TGFB3: variants seen among roughly 807,000 people sequenced by gnomAD.
TGFB3 encodes transforming growth factor beta-3 proprotein.
TGFB3 carries 5 observed loss-of-function variants against 40.1 expected under a neutral mutation model. That is an observed-to-expected ratio of 0.12 (90% CI 0.07 to 0.26). The LOEUF (loss-of-function observed/expected upper bound fraction) is 0.26. Ranked by LOEUF, TGFB3 falls within the 10% of genes least tolerant of loss-of-function variation. The pLI is 1.00. For missense variants in TGFB3, 373 were observed against 530.1 expected (o/e 0.70, Z 2.91); for synonymous variants, 184 against 205.6 (o/e 0.89, Z 0.90).
In TGFB3 at chr14:75,971,072, G is replaced by A. The variant is rs1271902066; in HGVS notation, c.646+54C>T. 2 of 1,609,306 alleles carry A rather than the reference G, an allele frequency of 1.2e-6. No individual in the cohort carries two copies. The highest frequency in any genetic ancestry group is 1.7e-5 in the Admixed American group (1 of 59,982). Reference sequence around the variant, plus strand: ...TGTCCTCTTCCCTCCATTTCATGGAGGACTAAGGGACCTGAGGTTCATTCT... The same window carrying A: ...TGTCCTCTTCCCTCCATTTCATGGAAGACTAAGGGACCTGAGGTTCATTCT... On this transcript the variant is annotated intron_variant, in intron 3 of 6. Transcript: ENST00000238682. This position sits in a 1 kb window ranked among gnomAD's most constrained non-coding sequence, Gnocchi z 4.5.
At position 75,971,369 on chromosome 14, in the gene TGFB3, C is replaced by T; in HGVS notation, c.517-114G>A. On this transcript the variant is annotated intron_variant, in intron 2 of 6. Coordinates refer to ENST00000238682, the MANE Select transcript of TGFB3 (RefSeq NM_003239.5). The surrounding 1 kb of genome is among the most constrained non-coding windows in gnomAD (Gnocchi z 4.5). ...TAGGAAACCAGTGGTTCCTGAATGC[C>T]ATGGCCCTCGAGCACCTTAGCTAAC... 6.4e-7 allele frequency: 1 copy of T among 1,562,784 alleles called. No homozygotes were observed. The highest frequency in any genetic ancestry group is 1.1e-5 in the South Asian group (1 of 87,732).
intron 1 of TGFB3, among the ~76,000 whole-genome samples, chr14:75,976,339 A>T (rs188129427): frequency 2.2e-4 from 34 of 152,320 alleles, no homozygotes; most frequent in African/African-American, 8.2e-4. Flanking sequence ...CAAGATCTCC[A>T]GATGATTCTA....
rs564013964 is a variant in TGFB3, at chr14:75,980,812, T to G, written c.82A>C (p.Thr28Pro). The change falls in exon 1 of 7, where the codon ACC becomes CCC. Residue 28 changes from threonine (T) to proline (P), a missense_variant. Thr to Pro is a conservative substitution (Grantham distance 38). Coordinates refer to ENST00000238682, the MANE Select transcript of TGFB3 (RefSeq NM_003239.5). The surrounding 1 kb of genome is among the most constrained non-coding windows in gnomAD (Gnocchi z 4.3). ...ATVSLSLSTC[T>P]TLDFGHIKKK... ...TTGATGTGGCCGAAGTCCAAGGTGG[T>G]GCAAGTGGACAGAGAGAGGCTGACC... is the stretch of plus-strand genomic sequence containing the variant. 67 of 1,613,956 alleles carry G rather than the reference T, an allele frequency of 4.2e-5. No homozygotes were observed. In the Middle Eastern group the frequency reaches 1.3e-3, roughly 32 times the overall value.
intron 5 of TGFB3, among the ~76,000 whole-genome samples, chr14:75,962,747 T>C (rs1161429401): frequency 6.6e-6 from 1 of 152,228 alleles, no homozygotes; most frequent in African/African-American, 2.4e-5. Context: ...CCTCCCTTTA[T>C]AAATGAGCAG....
rs1195058523 is a variant in TGFB3 at position 75,978,490 on chromosome 14, G to A, written c.352+2052C>T. 6.6e-6 allele frequency among the ~76,000 whole-genome samples: 1 copy of A among 152,244 alleles called. No homozygotes were observed. The highest frequency in any genetic ancestry group is 1.9e-4 in the East Asian group (1 of 5,202). ...CCAAGTCACCTCCAACAGCTGCAGA[G>A]TCTGCCTGCTTCCGGTTTGTACCTG... On this transcript the variant is annotated intron_variant, in intron 1 of 6. Coordinates refer to ENST00000238682, the MANE Select transcript of TGFB3 (RefSeq NM_003239.5). The surrounding 1 kb of genome is among the most constrained non-coding windows in gnomAD (Gnocchi z 5.0).
intron 1 of TGFB3, among the ~76,000 whole-genome samples, chr14:75,975,996 G>A (rs1407267770): frequency 2.0e-5 from 3 of 152,222 alleles, no homozygotes; most frequent in African/African-American, 7.2e-5. Flanking sequence ...ATTGGTGAAT[G>A]CCATTTTCTC....
At chr14:75,977,133 A>C (rs1419932150) in intron 1 of TGFB3, among the ~76,000 whole-genome samples, 1 of 152,244 alleles carries the variant, frequency 6.6e-6, no homozygotes, top group Non-Finnish European at 1.5e-5. Flanking sequence ...TACACTTAGC[A>C]GCTAGAGAAC....
At chr14:75,965,349 T>G (rs1219527144) in intron 4 of TGFB3, among the ~76,000 whole-genome samples, 1 of 152,236 alleles carries the variant, frequency 6.6e-6, no homozygotes, top group Non-Finnish European at 1.5e-5. Flanking sequence ...CTACACAGTT[T>G]CACCACTTAC....
rs542603955 is a variant in TGFB3, at chr14:75,981,293, C to T, written c.-400G>A. The T allele has an allele frequency of 1.7e-5, 4 of 241,452 alleles. No homozygotes were observed. Among genetic ancestry groups the T allele is most frequent in the Admixed American group, 5.0e-5 (1 of 19,818 alleles). The allele number at this position is 241,452 out of a possible 1,614,324, so 15.0% of individuals were successfully genotyped here. A position where few individuals can be genotyped will look rare whatever the true frequency, so the allele number is the denominator to read the frequency against. ...GTGGATATCTGATATTGCCAAACGC[C>T]GCTTGGCGATGGGGAGAAAGTGGGT... On this transcript the variant is annotated 5_prime_UTR_variant, in exon 1 of 7. Coordinates refer to ENST00000238682, the MANE Select transcript of TGFB3 (RefSeq NM_003239.5). The surrounding 1 kb of genome is among the most constrained non-coding windows in gnomAD (Gnocchi z 4.7).
chr14:75,965,138 A>G (rs1287796040), intron 4 of TGFB3, among the ~76,000 whole-genome samples: 1 of 152,220 alleles, frequency 6.6e-6, no homozygotes, highest in African/African-American at 2.4e-5. Flanking sequence ...GGCCCTGCAC[A>G]TCTGGAAAGC....
rs2035398317 is a variant in TGFB3 at position 75,979,691 on chromosome 14, A to T, written c.352+851T>A. ...GCCTCCTGGGACGGCAGGCTCCCAG[A>T]CATATCCCCCCCCCCCACCATGCAC... On this transcript the variant is annotated intron_variant, in intron 1 of 6. Coordinates refer to ENST00000238682, the MANE Select transcript of TGFB3 (RefSeq NM_003239.5). This position sits in a 1 kb window ranked among gnomAD's most constrained non-coding sequence, Gnocchi z 4.8. 6.7e-6 allele frequency among the ~76,000 whole-genome samples: 1 copy of T among 149,640 alleles called. No homozygotes were observed. The highest frequency in any genetic ancestry group is 6.7e-5 in the Admixed American group (1 of 15,006).
upstream of TGFB3, chr14:75,982,805 G>C (rs528746855): frequency 2.6e-4 from 40 of 152,574 alleles, no homozygotes; most frequent in African/African-American, 9.6e-4. The surrounding 1 kb of genome is among the most constrained non-coding windows in gnomAD (Gnocchi z 4.0). Flanking sequence ...CTCCCTCCCC[G>C]ACCGCCGCTC....
chr14:75,982,090 T>C (rs550572092), upstream of TGFB3, among the ~76,000 whole-genome samples: 11 of 152,174 alleles, frequency 7.2e-5, no homozygotes, highest in Non-Finnish European at 1.3e-4. This position sits in a 1 kb window ranked among gnomAD's most constrained non-coding sequence, Gnocchi z 4.0. Flanking sequence ...GCAGCCTCTT[T>C]TGCTGCACGA....
rs199646113 is a variant in TGFB3 at position 75,958,704 on chromosome 14, T to TA, written c.*482dup. The TA allele has an allele frequency of 0.018, 3,050 of 174,170 alleles. 16 individuals are homozygous for TA. Among genetic ancestry groups the TA allele is most frequent in the South Asian group, 0.046 (367 of 7,900 alleles). 10.8% of individuals were successfully genotyped at this position (174,170 alleles called of 1,614,324 possible). A position where few individuals can be genotyped will look rare whatever the true frequency, so the allele number is the denominator to read the frequency against. On this transcript the variant is annotated 3_prime_UTR_variant, in exon 7 of 7. Coordinates refer to ENST00000238682, the MANE Select transcript of TGFB3 (RefSeq NM_003239.5). Reference sequence around the variant, plus strand: ...GGACTTTGTCTTCGTAACCTGTCTTTAAAAAAAAAAAAAAAATGCTTGCCT... The same window carrying TA: ...GGACTTTGTCTTCGTAACCTGTCTTTAAAAAAAAAAAAAAAAATGCTTGCCT...
intron 3 of TGFB3, 47 bp from the exon 4 acceptor site, chr14:75,965,742 G>A: frequency 6.6e-7 from 1 of 1,509,046 alleles, no homozygotes; most frequent in Non-Finnish European, 9.2e-7. Context: ...CTGTGTGATG[G>A]GGAAGTGTGC....
chr14:75,980,491 C>T lies in TGFB3; in HGVS notation c.352+51G>A. On this transcript the variant is annotated intron_variant, in intron 1 of 6. Coordinates refer to ENST00000238682, the MANE Select transcript of TGFB3 (RefSeq NM_003239.5). The surrounding 1 kb of genome is among the most constrained non-coding windows in gnomAD (Gnocchi z 4.3). ...AGGCCCCCCTCTGCAGAGCTCCCAGCTCCAGTTCAGACCCTCCAGAGCAGA... is the reference window on the plus strand; with the variant it reads ...AGGCCCCCCTCTGCAGAGCTCCCAGTTCCAGTTCAGACCCTCCAGAGCAGA... 1 of 1,589,324 alleles carries T rather than the reference C, an allele frequency of 6.3e-7. No individual in the cohort carries two copies. The highest frequency in any genetic ancestry group is 8.6e-7 in the Non-Finnish European group (1 of 1,157,610).
chr14:75,976,202 C>G (rs2035351824), intron 1 of TGFB3, among the ~76,000 whole-genome samples: 2 of 152,174 alleles, frequency 1.3e-5, no homozygotes, highest in East Asian at 3.8e-4. Flanking sequence ...ATCAGTGTGG[C>G]TGTACTTCTC....
chr14:75,959,236 T>C lies in TGFB3; in HGVS notation c.1190A>G (p.Lys397Arg), dbSNP rs2035122885. The C allele has an allele frequency of 1.2e-6, 2 of 1,614,134 alleles. No homozygotes were observed. The highest frequency in any genetic ancestry group is 1.7e-6 in the Non-Finnish European group (2 of 1,180,018). Residue 397 changes from lysine to arginine, a missense_variant, in exon 7 of 7, where the codon AAA becomes AGA. Coordinates refer to ENST00000238682, the MANE Select transcript of TGFB3 (RefSeq NM_003239.5). ...CACCATGTTGGAGAGCTGCTCCACT[T>C]TGGGGGTCCTCCCAACATAGTACAG... ...TILYYVGRTPKVEQLSNMVVK... is the reference protein window; with the variant it reads ...TILYYVGRTPRVEQLSNMVVK...
In TGFB3 at chr14:75,963,330, G is replaced by C. The variant is rs45606438; in HGVS notation, c.912C>G (p.Thr304=). 1 of 1,614,102 alleles carries C rather than the reference G, an allele frequency of 6.2e-7. No individual in the cohort carries two copies. The highest frequency in any genetic ancestry group is 2.2e-5 in the East Asian group (1 of 44,882). ...CCCAGTCTCACCGGAAGCAGTAATTGGTGTCCAAAGCCCGCTTCTTCCTCT... is the reference window on the plus strand; with the variant it reads ...CCCAGTCTCACCGGAAGCAGTAATTCGTGTCCAAAGCCCGCTTCTTCCTCT... ...GGQRKKRALD[T]NYCFRNLEEN... is the part of the protein sequence containing the mutation. Residue 304 remains threonine, a synonymous_variant, in exon 5 of 7, where the codon ACC becomes ACG. Coordinates refer to ENST00000238682, the MANE Select transcript of TGFB3 (RefSeq NM_003239.5).
Sources: gnomAD v4.1 joint callset for allele counts (sites outside exome capture counted in the v4.1 genomes callset) on GRCh38, gnomAD v4.1.1 for gene constraint, Gnocchi (gnomAD v3.1) non-coding constraint, MANE v1.5 for transcripts, NCBI Gene and HGNC (gene_info 2026-07-23, HGNC 2026-07-21) for gene names.